Variants in BDH1 observed in about 807,000 individuals in gnomAD.
The protein encoded by BDH1 is 3-hydroxybutyrate dehydrogenase 1, also known as D-beta-hydroxybutyrate dehydrogenase, mitochondrial.
In BDH1, 30 loss-of-function variants were observed where a neutral mutation model predicts 33.1. The ratio of observed to expected loss-of-function variants is 0.91; its 90% CI spans 0.68 to 1.23. The LOEUF is 1.23. Among genes scored for constraint, BDH1 ranks in the 50% most tolerant of loss-of-function variants. BDH1 has a pLI of 0.00. For missense variants in BDH1, 443 were observed against 464.4 expected (o/e 0.95, Z 0.42); for synonymous variants, 190 against 183.6 (o/e 1.03, Z -0.28).
intron 5 of BDH1, among the ~76,000 whole-genome samples, chr3:197,524,345 G>A (rs184839282): frequency 6.6e-6 from 1 of 152,354 alleles, no homozygotes; most frequent in East Asian, 1.9e-4. Context: ...GCGGGCAAGG[G>A]TGGAAAGCCC....
At position 197,520,883 on chromosome 3, in the gene BDH1, G is replaced by C. The variant is rs1385452872; in HGVS notation, c.409+1757C>G. On this transcript the variant is annotated intron_variant, in intron 6 of 7. Coordinates refer to ENST00000392379, the MANE Select transcript of BDH1 (RefSeq NM_203314.3). This position sits in a 1 kb window ranked among gnomAD's most constrained non-coding sequence, Gnocchi z 6.0. ...TAATTATTAAACAGATGTTCAGCGA[G>C]AACAGAGAACAGAGAGGCCTGTGAA... is the stretch of plus-strand genomic sequence containing the variant. Among the ~76,000 whole-genome samples the C allele has an allele frequency of 6.6e-6, 1 of 152,178 alleles. No homozygotes were observed. Among genetic ancestry groups the C allele is most frequent in the Non-Finnish European group, 1.5e-5 (1 of 68,046 alleles).
intron 3 of BDH1, among the ~76,000 whole-genome samples, chr3:197,544,491 C>T (rs1386642828): frequency 6.6e-6 from 1 of 152,206 alleles, no homozygotes; most frequent in Non-Finnish European, 1.5e-5. Context: ...CTCTAAAAGC[C>T]ATGTTGGAGA....
chr3:197,517,143 G>A (rs929802679), intron 6 of BDH1, among the ~76,000 whole-genome samples: 3 of 151,794 alleles, frequency 2.0e-5, no homozygotes, highest in African/African-American at 7.3e-5. Context: ...AAGCCTCCTG[G>A]GTCTGTTTGT....
chr3:197,521,205 C>A lies in BDH1; in HGVS notation c.409+1435G>T, dbSNP rs1713508980. ...CGCACACCCTTTCTGCCTGGGCTGTCAGGGAGCTCAAAGGTAAACTTCATA... is the reference window on the plus strand; with the variant it reads ...CGCACACCCTTTCTGCCTGGGCTGTAAGGGAGCTCAAAGGTAAACTTCATA... On this transcript the variant is annotated intron_variant, in intron 6 of 7. Coordinates refer to ENST00000392379, the MANE Select transcript of BDH1 (RefSeq NM_203314.3). This position sits in a 1 kb window ranked among gnomAD's most constrained non-coding sequence, Gnocchi z 4.9. Among the ~76,000 whole-genome samples, 2 of 152,156 alleles carry A rather than the reference C, an allele frequency of 1.3e-5. No homozygotes were observed. The highest frequency in any genetic ancestry group is 1.3e-4 in the Admixed American group (2 of 15,272).
In BDH1 at chr3:197,527,467, G is replaced by A. The variant is rs552000127; in HGVS notation, c.268-4686C>T. Among the ~76,000 whole-genome samples, 10 of 152,270 alleles carry A rather than the reference G, an allele frequency of 6.6e-5. No individual in the cohort carries two copies. In the East Asian group the frequency reaches 1.9e-3, roughly 29 times the overall value. On this transcript the variant is annotated intron_variant, in intron 5 of 7. Transcript: ENST00000392379. ...CTTTTCCCAGCCCACCAGGGCACTG[G>A]GCTTTGGCGACCTCAAACTACTGGC...
At chr3:197,558,430 A>G (rs773223863), upstream of BDH1, among the ~76,000 whole-genome samples, 6 of 152,238 alleles carry the variant, frequency 3.9e-5, no homozygotes, top group Non-Finnish European at 8.8e-5. Context: ...TGCAGCTCCT[A>G]AAATGATAGC....
chr3:197,558,735 T>C (rs118058217), upstream of BDH1, among the ~76,000 whole-genome samples: 141 of 152,284 alleles, frequency 9.3e-4, no homozygotes, highest in East Asian at 0.025. Context: ...TCCAAACACA[T>C]AGAAACCCAG....
At chr3:197,573,024 T>C (rs1256714826) in intron 1 of BDH1, among the ~76,000 whole-genome samples, 1 of 152,202 alleles carries the variant, frequency 6.6e-6, no homozygotes, top group Non-Finnish European at 1.5e-5. Flanking sequence ...GCAAAGCTGC[T>C]GCCTCTCTGT....
chr3:197,546,499 T>C lies in BDH1; in HGVS notation c.-43-13A>G. The C allele has an allele frequency of 7.1e-6, 11 of 1,540,206 alleles. No homozygotes were observed. Among genetic ancestry groups the C allele is most frequent in the Non-Finnish European group, 9.9e-6 (11 of 1,113,826 alleles). ...CCTCCCGGTGGTTCTGAAACATAAA[T>C]GCACCCTCAGCATTACTTTGTTGCC... On this transcript the variant is annotated splice_polypyrimidine_tract_variant and intron_variant, in intron 2 of 7. Transcript: ENST00000392379.
chr3:197,553,145 T>G (rs560781929), intron 2 of BDH1, among the ~76,000 whole-genome samples: 1 of 151,716 alleles, frequency 6.6e-6, no homozygotes, highest in East Asian at 2.0e-4. Flanking sequence ...CTCAAACTCC[T>G]AACCTCAAAT....
At position 197,520,757 on chromosome 3, in the gene BDH1, AT is replaced by A. The variant is rs1713457515; in HGVS notation, c.409+1882del. Among the ~76,000 whole-genome samples the A allele has an allele frequency of 6.6e-6, 1 of 152,108 alleles. No individual in the cohort carries two copies. Among genetic ancestry groups the A allele is most frequent in the Admixed American group, 6.5e-5 (1 of 15,274 alleles). On this transcript the variant is annotated intron_variant, in intron 6 of 7. Coordinates refer to ENST00000392379, the MANE Select transcript of BDH1 (RefSeq NM_203314.3). This position sits in a 1 kb window ranked among gnomAD's most constrained non-coding sequence, Gnocchi z 6.0. ...CCCAGGGAAGGTGGGAGGGAGGAGA[AT>A]TTACCGCCAGGGAAGGGCGAAGCAG...
chr3:197,514,275 C>T lies in BDH1; in HGVS notation c.551G>A (p.Arg184Gln), dbSNP rs201775401. 21 of 1,612,726 alleles carry T rather than the reference C, an allele frequency of 1.3e-5. No individual in the cohort carries two copies. The East Asian group carries it at 2.9e-4, about 22-fold the overall frequency. The change falls in exon 7 of 8, where the codon CGA (arginine) becomes CAA (glutamine). Residue 184 changes from arginine (R) to glutamine (Q), a missense_variant. Coordinates refer to ENST00000392379, the MANE Select transcript of BDH1 (RefSeq NM_203314.3). This position sits in a 1 kb window ranked among gnomAD's most constrained non-coding sequence, Gnocchi z 4.2. ...CCTTTCCCACTCACCTTTGGCCCTT[C>T]GGATGAGGGGGAGAAAGGATTTCGT... is the stretch of plus-strand genomic sequence containing the variant. ...RMTKSFLPLI[R>Q]RAKGRVVNIS...
At chr3:197,569,718 C>T (rs1349808213) in intron 1 of BDH1, among the ~76,000 whole-genome samples, 1 of 152,216 alleles carries the variant, frequency 6.6e-6, no homozygotes, top group Non-Finnish European at 1.5e-5. Flanking sequence ...CTTTTGCCTT[C>T]TGCCATGATT....
chr3:197,564,908 CTG>C (rs771300638), intron 1 of BDH1, among the ~76,000 whole-genome samples: 13 of 152,018 alleles, frequency 8.6e-5, no homozygotes, highest in Non-Finnish European at 1.9e-4. Flanking sequence ...TGGCTTCCTG[CTG>C]TGTTTTGTTT....
intron 1 of BDH1, among the ~76,000 whole-genome samples, chr3:197,562,146 G>A (rs1393398464): frequency 1.3e-5 from 2 of 152,228 alleles, no homozygotes; most frequent in Admixed American, 6.5e-5. Flanking sequence ...CTTGGAGCAT[G>A]TAATGGCAGA....
chr3:197,535,509 C>G (rs148594909), intron 3 of BDH1, among the ~76,000 whole-genome samples: 49 of 152,326 alleles, frequency 3.2e-4, no homozygotes, highest in Non-Finnish European at 6.3e-4. Context: ...CCTTCAGGAT[C>G]TCAGTGTCCT....
chr3:197,570,234 G>A (rs1717563399), intron 1 of BDH1, among the ~76,000 whole-genome samples: 1 of 152,232 alleles, frequency 6.6e-6, no homozygotes, highest in Non-Finnish European at 1.5e-5. Flanking sequence ...CATTCAAAGT[G>A]TGACTTGGGT....
At position 197,525,906 on chromosome 3, in the gene BDH1, C is replaced by G. The variant is rs1425475460; in HGVS notation, c.268-3125G>C. Among the ~76,000 whole-genome samples the G allele has an allele frequency of 6.6e-6, 1 of 151,464 alleles. No individual in the cohort carries two copies. Among genetic ancestry groups the G allele is most frequent in the African/African-American group, 2.5e-5 (1 of 40,776 alleles). On this transcript the variant is annotated intron_variant, in intron 5 of 7. Coordinates refer to ENST00000392379, the MANE Select transcript of BDH1 (RefSeq NM_203314.3). The surrounding 1 kb of genome is among the most constrained non-coding windows in gnomAD (Gnocchi z 4.9). Reference sequence around the variant, plus strand: ...GTCTGTGTGCTCCCTCTGCTGGTCTCCGTGCTCCCTCTGCAGGTCTCTGGA... The same window carrying G: ...GTCTGTGTGCTCCCTCTGCTGGTCTGCGTGCTCCCTCTGCAGGTCTCTGGA...
chr3:197,519,643 G>A (rs761005562), intron 6 of BDH1, among the ~76,000 whole-genome samples: 4 of 151,968 alleles, frequency 2.6e-5, no homozygotes, highest in Admixed American at 1.3e-4. Flanking sequence ...CAGCCTGGGC[G>A]GCAGAGTAAG....
Sources: gnomAD v4.1 joint callset for allele counts (sites outside exome capture counted in the v4.1 genomes callset) on GRCh38, gnomAD v4.1.1 for gene constraint, Gnocchi (gnomAD v3.1) non-coding constraint, MANE v1.5 for transcripts, NCBI Gene and HGNC (gene_info 2026-07-23, HGNC 2026-07-21) for gene names.